CSMD1: variants seen among roughly 807,000 people sequenced by gnomAD.
CSMD1 encodes CUB and Sushi multiple domains 1.
Under a neutral mutation model 417.5 loss-of-function variants are expected in CSMD1, and 213 were observed. The ratio of observed to expected loss-of-function variants is 0.51; its 90% CI spans 0.46 to 0.57. The LOEUF is 0.57. Ranked by LOEUF, CSMD1 falls within the 20% of genes least tolerant of loss-of-function variation. The pLI is 0.00. For synonymous variants in CSMD1, 2,862 were observed against 1,736.8 expected, an observed-to-expected ratio of 1.65 and a Z score of -16.11; for missense variants, 6,923 against 4,529.7, an observed-to-expected ratio of 1.53 and a Z score of -15.17.
intron 4 of CSMD1, among the ~76,000 whole-genome samples, chr8:4,031,586 C>G (rs1797348792): frequency 6.6e-6 from 1 of 152,142 alleles, no homozygotes; most frequent in African/African-American, 2.4e-5. Context: ...TAAATCATAT[C>G]AGAAGTCATA....
At chr8:3,605,938 C>G (rs1010053368) in intron 8 of CSMD1, among the ~76,000 whole-genome samples, 1 of 152,138 alleles carries the variant, frequency 6.6e-6, no homozygotes. Flanking sequence ...GCTTGTTAGC[C>G]TCAGTTTAAT....
chr8:3,671,898 T>C (rs1799090535), intron 7 of CSMD1, among the ~76,000 whole-genome samples: 1 of 152,066 alleles, frequency 6.6e-6, no homozygotes. Flanking sequence ...CCACCCTCAT[T>C]TCCTCTGTCC....
At chr8:4,242,208 G>T (rs1454861528) in intron 3 of CSMD1, among the ~76,000 whole-genome samples, 3 of 152,072 alleles carry the variant, frequency 2.0e-5, no homozygotes, top group Non-Finnish European at 4.4e-5. Flanking sequence ...AAAGAATTGT[G>T]ATTTTTGATG....
intron 25 of CSMD1, among the ~76,000 whole-genome samples, chr8:3,300,611 A>G: frequency 6.6e-6 from 1 of 152,136 alleles, no homozygotes; most frequent in East Asian, 1.9e-4. Context: ...ATATAAATAT[A>G]AGCAAAGATT....
chr8:4,769,178 G>C (rs1012592292), intron 1 of CSMD1, among the ~76,000 whole-genome samples: 40 of 152,086 alleles, frequency 2.6e-4, no homozygotes, highest in African/African-American at 9.4e-4. Context: ...TGTAAGATGT[G>C]GCTAATAACA....
At chr8:4,671,759 G>C (rs1262901692) in intron 1 of CSMD1, among the ~76,000 whole-genome samples, 1 of 152,086 alleles carries the variant, frequency 6.6e-6, no homozygotes, top group Non-Finnish European at 1.5e-5. Context: ...GTGTGTGCTT[G>C]CACGCTCACA....
At chr8:3,064,115 C>T (rs1812765147) in intron 49 of CSMD1, among the ~76,000 whole-genome samples, 1 of 152,234 alleles carries the variant, frequency 6.6e-6, no homozygotes, top group Admixed American at 6.5e-5. Flanking sequence ...ACAGCTCAAG[C>T]TGCCTCTTAG....
At chr8:4,121,224 C>A (rs760398448) in intron 3 of CSMD1, among the ~76,000 whole-genome samples, 1 of 152,074 alleles carries the variant, frequency 6.6e-6, no homozygotes, top group Non-Finnish European at 1.5e-5. Context: ...AAGCAATTCT[C>A]CTGCCTCAGC....
chr8:3,539,354 T>C (rs1563134781), intron 10 of CSMD1, among the ~76,000 whole-genome samples: 2 of 152,210 alleles, frequency 1.3e-5, no homozygotes, highest in Admixed American at 6.5e-5. Flanking sequence ...TTTTGCCTTC[T>C]GGGCAACACC....
At chr8:3,153,930 A>T (rs2129036782) in intron 39 of CSMD1, among the ~76,000 whole-genome samples, 1 of 152,284 alleles carries the variant, frequency 6.6e-6, no homozygotes, top group African/African-American at 2.4e-5. Flanking sequence ...TAAGCGTAAA[A>T]ACAGAGCTCC....
At chr8:3,022,610 T>C (rs1402873766) in intron 51 of CSMD1, among the ~76,000 whole-genome samples, 3 of 151,516 alleles carry the variant, frequency 2.0e-5, no homozygotes, top group Non-Finnish European at 2.9e-5. Flanking sequence ...ATCAGAAATA[T>C]GAATATTACT....
intron 52 of CSMD1, among the ~76,000 whole-genome samples, chr8:3,004,858 G>C (rs1196140725): frequency 2.0e-5 from 3 of 152,152 alleles, no homozygotes; most frequent in Non-Finnish European, 4.4e-5. Context: ...GAATACCGTG[G>C]CCAGGCGCAG....
At chr8:4,139,022 G>GGCA (rs879360303) in intron 3 of CSMD1, among the ~76,000 whole-genome samples, 44,974 of 151,920 alleles carry the variant, frequency 0.3, 8,071 homozygotes, top group Non-Finnish European at 0.39. Flanking sequence ...AAGGACATAT[G>GGCA]CTGCATGTTT....
At chr8:3,100,108 G>C (rs1051509838) in intron 46 of CSMD1, among the ~76,000 whole-genome samples, 3 of 152,138 alleles carry the variant, frequency 2.0e-5, no homozygotes, top group Non-Finnish European at 4.4e-5. Flanking sequence ...CTGGAGGGCA[G>C]TGGCAGGATC....
intron 28 of CSMD1, among the ~76,000 whole-genome samples, chr8:3,220,199 T>C (rs1338156805): frequency 6.6e-6 from 1 of 150,376 alleles, no homozygotes; most frequent in African/African-American, 2.5e-5. Context: ...CGAATATTAA[T>C]AGCCCCTACA....
At chr8:4,686,010 A>G (rs1478269) in intron 1 of CSMD1, among the ~76,000 whole-genome samples, 85,600 of 152,044 alleles carry the variant, frequency 0.56, 24,421 homozygotes, top group Admixed American at 0.66. Flanking sequence ...TATTTTCTCA[A>G]TTTAATTCCA....
intron 5 of CSMD1, among the ~76,000 whole-genome samples, chr8:3,993,043 C>A (rs924864037): frequency 1.3e-5 from 2 of 152,092 alleles, no homozygotes; most frequent in Non-Finnish European, 2.9e-5. Flanking sequence ...GAGCCCTGGA[C>A]CAGAAAAGAC....
In CSMD1 at chr8:3,554,937, G is replaced by C. The variant is rs557260371; in HGVS notation, c.1344+20008C>G. 4.6e-5 allele frequency among the ~76,000 whole-genome samples: 7 copies of C among 152,152 alleles called. No individual in the cohort carries two copies. In the South Asian group the frequency reaches 6.2e-4, roughly 14 times the overall value. On this transcript the variant is annotated intron_variant, in intron 10 of 69. Transcript: ENST00000635120. ...GGCAAGCAGCCACACAGGGCAAGTG[G>C]GTCAGGGGTGTTAAAGAGAAGCCCA...
At chr8:3,517,327 A>G (rs1797323487) in intron 10 of CSMD1, among the ~76,000 whole-genome samples, 1 of 152,206 alleles carries the variant, frequency 6.6e-6, no homozygotes, top group Non-Finnish European at 1.5e-5. Context: ...CAGGCAATCC[A>G]AGTAAAATTT....
Sources: allele counts gnomAD v4.1 joint callset (sites outside exome capture counted in the v4.1 genomes callset), GRCh38; gene constraint gnomAD v4.1.1; transcripts MANE v1.5; gene names NCBI Gene and HGNC (gene_info 2026-07-23, HGNC 2026-07-21).